The following RP1 variants were observed in gnomAD, a reference collection of about 807,000 sequenced individuals.
The protein encoded by RP1 is oxygen-regulated protein 1.
A neutral mutation model predicts 14.8 loss-of-function variants in RP1; 16 were observed. That is an observed-to-expected ratio of 1.08 (90% confidence interval 0.73 to 1.65). The LOEUF (loss-of-function observed/expected upper bound fraction) is 1.65, where lower values mean the gene tolerates loss of function less well. Among genes scored for constraint, RP1 ranks in the 40% most tolerant of loss-of-function variants. The pLI is 0.00. For synonymous variants in RP1, 876 were observed against 883.6 expected (o/e 0.99, Z 0.15); for missense variants, 2,631 against 2,535.0 (o/e 1.04, Z -0.81).
At chr8:54,614,751 C>T (rs1458382785), upstream of RP1, among the ~76,000 whole-genome samples, 1 of 151,964 alleles carries the variant, frequency 6.6e-6, no homozygotes, top group African/African-American at 2.4e-5. Flanking sequence ...CAAAAGAAAC[C>T]TTTTTTGGTT....
intron 6 of RP1, among the ~76,000 whole-genome samples, chr8:54,663,231 G>T (rs112563570): frequency 2.6e-5 from 4 of 152,100 alleles, no homozygotes; most frequent in Non-Finnish European, 5.9e-5. Flanking sequence ...TAGTGCTTGT[G>T]TTCAAGCAAC....
chr8:54,615,460 G>T (rs1009882654), upstream of RP1, among the ~76,000 whole-genome samples: 1 of 152,194 alleles, frequency 6.6e-6, no homozygotes, highest in Non-Finnish European at 1.5e-5. Context: ...GAAGGATCAG[G>T]TGCCATCTGG....
At chr8:54,584,870 C>G (rs921649723) in intron 1 of RP1, among the ~76,000 whole-genome samples, 1 of 152,086 alleles carries the variant, frequency 6.6e-6, no homozygotes, top group African/African-American at 2.4e-5. Context: ...TTCCTCCATC[C>G]CTTTATTTTG....
intron 12 of RP1, among the ~76,000 whole-genome samples, chr8:54,681,734 C>G (rs532691067): frequency 3.9e-5 from 6 of 152,120 alleles, no homozygotes; most frequent in East Asian, 1.9e-4. Context: ...CCCACCACCC[C>G]CTGATGTGTC....
chr8:54,648,116 C>G (rs1229799546), intron 3 of RP1, among the ~76,000 whole-genome samples: 1 of 152,168 alleles, frequency 6.6e-6, no homozygotes, highest in Non-Finnish European at 1.5e-5. Flanking sequence ...CTTGCTTCTC[C>G]TTTGCCTTCT....
intron 3 of RP1, among the ~76,000 whole-genome samples, chr8:54,622,839 G>T (rs1195490988): frequency 6.6e-6 from 1 of 152,178 alleles, no homozygotes; most frequent in African/African-American, 2.4e-5. Flanking sequence ...AATTCTGTAG[G>T]ATCTGCTGTG....
At chr8:54,858,942 C>T (rs4737744) in intron 27 of RP1, among the ~76,000 whole-genome samples, 5,913 of 151,912 alleles carry the variant, frequency 0.039, 150 homozygotes, top group African/African-American at 0.058. Context: ...ATCAGTGCAC[C>T]GCCATGGCAC....
intron 28 of RP1, among the ~76,000 whole-genome samples, chr8:54,867,388 C>G (rs939825717): frequency 6.6e-6 from 1 of 151,994 alleles, no homozygotes; most frequent in Non-Finnish European, 1.5e-5. Context: ...TAGGAAGAGA[C>G]CTTGTATTTT....
chr8:54,871,211 A>G (rs1166420582), exon 29 of RP1: 1 of 152,078 alleles, frequency 6.6e-6, no homozygotes, highest in Admixed American at 6.6e-5. Context: ...AAACACATTA[A>G]AATAAATCTA....
intron 26 of RP1, among the ~76,000 whole-genome samples, chr8:54,853,754 G>GAGAAAGAAAGAA (rs1554540440): frequency 1.4e-5 from 2 of 142,028 alleles, no homozygotes; most frequent in African/African-American, 2.6e-5. Context: ...GAAAGAAAGA[G>GAGAAAGAAAGAA]AGAGAGAAAG....
chr8:54,646,306 C>G (rs1392537812), intron 3 of RP1, among the ~76,000 whole-genome samples: 1 of 151,834 alleles, frequency 6.6e-6, no homozygotes, highest in Non-Finnish European at 1.5e-5. Flanking sequence ...TCCCCCTCCC[C>G]CTCTTTTCTG....
intron 1 of RP1, among the ~76,000 whole-genome samples, chr8:54,590,439 T>C (rs1243861462): frequency 1.3e-5 from 2 of 152,154 alleles, no homozygotes; most frequent in African/African-American, 4.8e-5. Flanking sequence ...CAGTGATTTA[T>C]ATACCCAATC....
chr8:54,618,785 A>T (rs530384292), intron 1 of RP1, among the ~76,000 whole-genome samples: 2 of 152,218 alleles, frequency 1.3e-5, no homozygotes, highest in Admixed American at 1.3e-4. Flanking sequence ...CCTCCCGAGT[A>T]GAGTAGCTGG....
At chr8:54,586,324 C>T (rs920431729) in intron 1 of RP1, among the ~76,000 whole-genome samples, 15 of 152,178 alleles carry the variant, frequency 9.9e-5, no homozygotes, top group Middle Eastern at 3.2e-3. Context: ...TATTGGTGAA[C>T]AGCAAATGTT....
At chr8:54,826,955 A>C (rs1231555907) in intron 24 of RP1, among the ~76,000 whole-genome samples, 1 of 152,232 alleles carries the variant, frequency 6.6e-6, no homozygotes, top group East Asian at 1.9e-4. Flanking sequence ...TGTACTACTA[A>C]GTACTGTAGT....
intron 27 of RP1, among the ~76,000 whole-genome samples, chr8:54,861,055 C>G (rs543543191): frequency 2.8e-4 from 42 of 152,290 alleles, no homozygotes; most frequent in African/African-American, 9.4e-4. Flanking sequence ...TTTTAAAGTT[C>G]TTTAATGAAA....
At chr8:54,662,517 T>C (rs1375059756) in intron 6 of RP1, among the ~76,000 whole-genome samples, 2 of 152,200 alleles carry the variant, frequency 1.3e-5, no homozygotes, top group East Asian at 3.9e-4. Flanking sequence ...TTGGCTCCAA[T>C]GTGCTCTTCT....
chr8:54,690,146 C>T (rs960541891), intron 12 of RP1, among the ~76,000 whole-genome samples: 1 of 151,964 alleles, frequency 6.6e-6, no homozygotes, highest in South Asian at 2.1e-4. Context: ...ATACCTGCCA[C>T]CTGTGTAAAT....
intron 1 of RP1, among the ~76,000 whole-genome samples, chr8:54,568,515 T>A (rs1563314364): frequency 6.6e-6 from 1 of 152,140 alleles, no homozygotes; most frequent in Non-Finnish European, 1.5e-5. Context: ...AAAAATGGAG[T>A]AGGATGTTTC....
Sources: allele counts gnomAD v4.1 joint callset (sites outside exome capture counted in the v4.1 genomes callset), GRCh38; gene constraint gnomAD v4.1.1; transcripts MANE v1.5; gene names NCBI Gene and HGNC (gene_info 2026-07-23, HGNC 2026-07-21).